FAM151B: variants seen among roughly 807,000 people sequenced by gnomAD.
The protein encoded by FAM151B is protein FAM151B.
FAM151B carries 24 observed loss-of-function variants against 31.2 expected under a neutral mutation model. The observed-to-expected ratio is 0.77, with a 90% CI of 0.56 to 1.08. The LOEUF (loss-of-function observed/expected upper bound fraction) is 1.08. Among genes scored for constraint, FAM151B ranks in the 50% least tolerant of loss-of-function variants. The probability of loss-of-function intolerance (pLI) is 0.00; values close to 1 mark genes in which losing one functional copy is unlikely to be tolerated. For synonymous variants in FAM151B, 105 were observed against 111.4 expected (o/e 0.94, Z 0.36); for missense variants, 293 against 328.6 (o/e 0.89, Z 0.84).
intron 5 of FAM151B, chr5:80,522,361 A>G (rs1744759553): frequency 7.4e-6 from 3 of 404,240 alleles, no homozygotes; most frequent in Non-Finnish European, 1.3e-5. Flanking sequence ...TCCTCACAAA[A>G]GTTTTTGTAC....
chr5:80,537,329 C>T (rs915401635), intron 5 of FAM151B, among the ~76,000 whole-genome samples: 1 of 152,204 alleles, frequency 6.6e-6, no homozygotes, highest in East Asian at 1.9e-4. Flanking sequence ...TACACTTTTA[C>T]TTTTCCTCGT....
chr5:80,538,448 C>CTTTCTTTCTTTCTTTCTCTTTCTTTGTT (rs1235874356), intron 5 of FAM151B, among the ~76,000 whole-genome samples: 66 of 49,326 alleles, frequency 1.3e-3, no homozygotes, highest in Non-Finnish European at 1.9e-3. Flanking sequence ...TTCTTTCTTT[C>CTTTCTTTCTTTCTTTCTCTTTCTTTGTT]TCTTTCTTTC....
Position 80,536,910 on chromosome 5 carries a change from G to T in FAM151B, c.672-4763G>T, listed in dbSNP as rs563648295. On this transcript the variant is annotated intron_variant, in intron 5 of 5. Transcript: ENST00000282226. Reference sequence around the variant, plus strand: ...TTACCAGAGGCGGGGATAGGTAGTGGTGGTGGGTGTTGGGGGGAGGTGTGA... The same window carrying T: ...TTACCAGAGGCGGGGATAGGTAGTGTTGGTGGGTGTTGGGGGGAGGTGTGA... Among the ~76,000 whole-genome samples the T allele has an allele frequency of 1.1e-4, 16 of 152,286 alleles. No homozygotes were observed. The East Asian group carries it at 3.1e-3, about 29-fold the overall frequency.
intron 1 of FAM151B, chr5:80,501,188 T>TG: frequency 3.2e-6 from 1 of 316,554 alleles, no homozygotes; most frequent in Non-Finnish European, 6.0e-6. Flanking sequence ...TAATTTTTTT[T>TG]TTTTTATTTT....
intron 3 of FAM151B, among the ~76,000 whole-genome samples, chr5:80,516,884 G>A (rs1266088053): frequency 5.9e-5 from 9 of 152,178 alleles, no homozygotes; most frequent in Admixed American, 5.9e-4. Flanking sequence ...GTAACCTGCA[G>A]TACACCATGG....
intron 3 of FAM151B, among the ~76,000 whole-genome samples, chr5:80,514,722 A>G (rs1446023707): frequency 6.6e-6 from 1 of 152,076 alleles, no homozygotes; most frequent in Non-Finnish European, 1.5e-5. Flanking sequence ...CAGTAAGCCT[A>G]CTTCATCTCT....
At position 80,538,153 on chromosome 5, in the gene FAM151B, C is replaced by T. The variant is rs139539951; in HGVS notation, c.672-3520C>T. Among the ~76,000 whole-genome samples, 1,262 of 151,678 alleles carry T rather than the reference C, an allele frequency of 8.3e-3. 33 individuals are homozygous for T. Among genetic ancestry groups the T allele is most frequent in the Admixed American group, 0.044 (669 of 15,248 alleles). On this transcript the variant is annotated intron_variant, in intron 5 of 5. Transcript: ENST00000282226. ...CGCGATTTCGGGTCACTGCAACCTC[C>T]ACCTCCCGGGTTCAAGTGATTCTCC...
At chr5:80,540,969 T>C (rs555932384) in intron 5 of FAM151B, among the ~76,000 whole-genome samples, 51 of 152,360 alleles carry the variant, frequency 3.3e-4, no homozygotes, top group African/African-American at 1.2e-3. Context: ...GGAATATAAA[T>C]ATGAAACTGC....
At chr5:80,517,926 G>T (rs1319225140) in intron 3 of FAM151B, among the ~76,000 whole-genome samples, 2 of 152,058 alleles carry the variant, frequency 1.3e-5, no homozygotes, top group African/African-American at 4.8e-5. Context: ...ACAAAAATTA[G>T]CTGGGTGTGG....
chr5:80,538,724 G>A (rs1745719982), intron 5 of FAM151B, among the ~76,000 whole-genome samples: 2 of 151,268 alleles, frequency 1.3e-5, no homozygotes, highest in African/African-American at 2.4e-5. Context: ...AACCTCCCCA[G>A]TAGCTGGGAT....
In FAM151B at chr5:80,502,911, A is replaced by G. The variant is rs921612779; in HGVS notation, c.151+994A>G. On this transcript the variant is annotated intron_variant, in intron 2 of 5. Coordinates refer to ENST00000282226, the MANE Select transcript of FAM151B (RefSeq NM_205548.3). Reference sequence around the variant, plus strand: ...AGCATATAATAACTACACAGTGATTATTTAGTAAATGAATTTTAGCAAAAT... The same window carrying G: ...AGCATATAATAACTACACAGTGATTGTTTAGTAAATGAATTTTAGCAAAAT... Among the ~76,000 whole-genome samples the G allele has an allele frequency of 1.2e-3, 177 of 152,358 alleles. 1 individual carries two copies. Among genetic ancestry groups the G allele is most frequent in the African/African-American group, 4.1e-3 (169 of 41,586 alleles).
At chr5:80,488,826 C>G (rs1421098553) in intron 1 of FAM151B, among the ~76,000 whole-genome samples, 2 of 152,034 alleles carry the variant, frequency 1.3e-5, no homozygotes. Flanking sequence ...AATCGATGCA[C>G]AGTTTACAGA....
In FAM151B at chr5:80,532,369, TA is replaced by T. The variant is rs1042861705; in HGVS notation, c.672-9295del. ...TGCACCCTAGAACTTAAAAGTATAA[TA>T]AAAAAAAATGTCAACACAAAAACTA... On this transcript the variant is annotated intron_variant, in intron 5 of 5. Transcript: ENST00000282226. Among the ~76,000 whole-genome samples the T allele has an allele frequency of 2.1e-4, 32 of 150,976 alleles. 1 individual carries two copies. In the East Asian group the frequency reaches 2.7e-3, roughly 13 times the overall value.
At chr5:80,506,107 G>A in intron 2 of FAM151B, 1 of 985,396 alleles carries the variant, frequency 1.0e-6, no homozygotes, top group Non-Finnish European at 1.2e-6. Flanking sequence ...CAAGCATATG[G>A]AAACTGGTTC....
chr5:80,511,338 G>A (rs897054555), intron 2 of FAM151B, among the ~76,000 whole-genome samples: 2 of 151,106 alleles, frequency 1.3e-5, no homozygotes, highest in African/African-American at 2.4e-5. Context: ...GCAGGGTGTG[G>A]TGGTGCATGC....
intron 3 of FAM151B, among the ~76,000 whole-genome samples, chr5:80,514,178 A>G (rs1744313259): frequency 6.6e-6 from 1 of 152,154 alleles, no homozygotes; most frequent in African/African-American, 2.4e-5. Flanking sequence ...TTTCTTAAAA[A>G]TAATGCTTGG....
At chr5:80,500,237 GGGGA>G (rs1364452906) in intron 1 of FAM151B, 1 of 562,692 alleles carries the variant, frequency 1.8e-6, no homozygotes, top group East Asian at 3.0e-5. Context: ...CAATGGCTAT[GGGGA>G]GGGGGAAGCA....
chr5:80,492,316 T>G (rs1036137443), intron 1 of FAM151B, among the ~76,000 whole-genome samples: 1 of 152,200 alleles, frequency 6.6e-6, no homozygotes, highest in African/African-American at 2.4e-5. Context: ...TTTAAAATTA[T>G]TATATTTATT....
rs1421837219 is a variant in FAM151B at position 80,518,830 on chromosome 5, T to C, written c.318-863T>C. On this transcript the variant is annotated intron_variant, in intron 3 of 5. Coordinates refer to ENST00000282226, the MANE Select transcript of FAM151B (RefSeq NM_205548.3). ...CATAGACAGAAGTACTGCCGTCTCT[T>C]AGGAAGAGAGAGGGAAATGTGAGGA... 5 of 152,094 alleles carry C rather than the reference T, an allele frequency of 3.3e-5. No individual in the cohort carries two copies. In the East Asian group the frequency reaches 7.7e-4, roughly 24 times the overall value. The allele number at this position is 152,094 out of a possible 1,614,324, so 9.4% of individuals were successfully genotyped here.
Sources: gnomAD v4.1 joint callset for allele counts (sites outside exome capture counted in the v4.1 genomes callset) on GRCh38, gnomAD v4.1.1 for gene constraint, MANE v1.5 for transcripts, NCBI Gene and HGNC (gene_info 2026-07-23, HGNC 2026-07-21) for gene names.